Variants in RGL1 observed in about 807,000 individuals in gnomAD.
RGL1 encodes the protein ral guanine nucleotide dissociation stimulator-like 1.
A neutral mutation model predicts 95.2 loss-of-function variants in RGL1; 24 were observed. That is an observed-to-expected ratio of 0.25 (90% CI 0.18 to 0.35). The LOEUF (loss-of-function observed/expected upper bound fraction) is 0.35, where lower values mean the gene tolerates loss of function less well. Among genes scored for constraint, RGL1 ranks in the 10% least tolerant of loss-of-function variants. The pLI is 1.00. For synonymous variants in RGL1, 329 were observed against 344.9 expected (o/e 0.95, Z 0.51); for missense variants, 715 against 936.3 (o/e 0.76, Z 3.08).
At chr1:183,894,055 T>C (rs1346996045) in intron 9 of RGL1, among the ~76,000 whole-genome samples, 1 of 152,228 alleles carries the variant, frequency 6.6e-6, no homozygotes, top group African/African-American at 2.4e-5. Context: ...TAAACAATCA[T>C]TACTGAGATC....
chr1:183,639,590 T>G (rs1457587940), intron 1 of RGL1, among the ~76,000 whole-genome samples: 1 of 152,074 alleles, frequency 6.6e-6, no homozygotes, highest in Non-Finnish European at 1.5e-5. Flanking sequence ...CAGAATTTCA[T>G]TTTTTCTTTG....
At chr1:183,801,674 A>G (rs1661000449), upstream of RGL1, among the ~76,000 whole-genome samples, 2 of 152,200 alleles carry the variant, frequency 1.3e-5, no homozygotes, top group African/African-American at 2.4e-5. Context: ...AAAGAAGTTT[A>G]TTTGGCTCAT....
At chr1:183,678,909 C>CA (rs1653013434) in intron 1 of RGL1, among the ~76,000 whole-genome samples, 1 of 152,128 alleles carries the variant, frequency 6.6e-6, no homozygotes, top group African/African-American at 2.4e-5. Context: ...TTTACAAGCC[C>CA]AAAATAGTTA....
intron 8 of RGL1, among the ~76,000 whole-genome samples, chr1:183,891,048 A>G (rs748636248): frequency 2.6e-5 from 4 of 152,322 alleles, no homozygotes; most frequent in Admixed American, 2.0e-4. Flanking sequence ...TGTCGCTTTA[A>G]GTAGACAAAG....
At chr1:183,818,228 T>G (rs2500124) in intron 2 of RGL1, among the ~76,000 whole-genome samples, 132,061 of 152,060 alleles carry the variant, frequency 0.87, 58,583 homozygotes, top group Non-Finnish European at 0.97. Context: ...GGCAAAAGAG[T>G]TTTAAAAGGT....
chr1:183,919,151 C>A lies in RGL1; in HGVS notation c.2004+2450C>A, dbSNP rs537329078. On this transcript the variant is annotated intron_variant, in intron 16 of 17. Transcript: ENST00000360851. ...ATTCATTTAAAATAACAATAATGAA[C>A]ACATTGCATGTTAATGTAAATTTTA... is the stretch of plus-strand genomic sequence containing the variant. Among the ~76,000 whole-genome samples the A allele has an allele frequency of 6.3e-4, 96 of 152,264 alleles. 1 individual carries two copies. Among genetic ancestry groups the A allele is most frequent in the African/African-American group, 2.3e-3 (94 of 41,534 alleles).
rs1245298411 is a variant in RGL1, at chr1:183,912,123, C to T, written c.1604C>T (p.Thr535Ile). ...GACATGATCACCAGTCCCACTCCCA[C>T]CAAAGAGCAGCCCAAGTCCACTGCC... The part of the protein sequence containing the change: ...GSDMITSPTP[T>I]KEQPKSTASG... Residue 535 changes from threonine to isoleucine, a missense_variant, in exon 15 of 18, where the codon ACC becomes ATC. Coordinates refer to ENST00000360851, the MANE Select transcript of RGL1 (RefSeq NM_001297671.3). 3 of 1,613,980 alleles carry T rather than the reference C, an allele frequency of 1.9e-6. No individual in the cohort carries two copies. The highest frequency in any genetic ancestry group is 2.5e-6 in the Non-Finnish European group (3 of 1,180,002).
upstream of RGL1, among the ~76,000 whole-genome samples, chr1:183,803,648 C>T (rs1661111987): frequency 6.6e-6 from 1 of 152,158 alleles, no homozygotes; most frequent in Admixed American, 6.5e-5. Context: ...GGAAATATTT[C>T]AGTTACTGCC....
intron 1 of RGL1, among the ~76,000 whole-genome samples, chr1:183,644,297 C>T (rs528566217): frequency 9.9e-5 from 15 of 152,078 alleles, no homozygotes; most frequent in Non-Finnish European, 2.1e-4. Context: ...GCCACAATTT[C>T]CTTATATGTA....
At chr1:183,722,046 A>G (rs77315481) in intron 1 of RGL1, among the ~76,000 whole-genome samples, 1,879 of 152,284 alleles carry the variant, frequency 0.012, 48 homozygotes, top group African/African-American at 0.043. Flanking sequence ...GTGAGGAAAG[A>G]AAGTCAAGAC....
chr1:183,741,409 A>G (rs1425679296), intron 1 of RGL1, among the ~76,000 whole-genome samples: 1 of 152,128 alleles, frequency 6.6e-6, no homozygotes, highest in Non-Finnish European at 1.5e-5. Flanking sequence ...AAAGAAGTAG[A>G]CCTTGTAAAA....
chr1:183,904,992 T>C (rs1186566321), intron 13 of RGL1, 21 bp downstream of exon 13: 15 of 1,607,266 alleles, frequency 9.3e-6, no homozygotes, highest in African/African-American at 4.0e-5. Context: ...CTGTCGTTCA[T>C]CGGGGTAGAA....
At chr1:183,856,707 A>G (rs1271489651) in intron 3 of RGL1, among the ~76,000 whole-genome samples, 1 of 151,500 alleles carries the variant, frequency 6.6e-6, no homozygotes, top group Non-Finnish European at 1.5e-5. Context: ...TTGGACTTAG[A>G]TCTTATTTCC....
intron 2 of RGL1, among the ~76,000 whole-genome samples, chr1:183,833,906 C>T (rs2500112): frequency 0.8 from 120,655 of 150,974 alleles, 48,363 homozygotes; most frequent in Middle Eastern, 0.88. Context: ...AGAGTTGCTC[C>T]CCCTATATTT....
chr1:183,815,143 A>G (rs1307585381), intron 2 of RGL1, among the ~76,000 whole-genome samples: 3 of 152,136 alleles, frequency 2.0e-5, no homozygotes, highest in Non-Finnish European at 2.9e-5. Flanking sequence ...GCATGGTGGC[A>G]TGTGCCTGTA....
At chr1:183,866,593 C>T (rs1009770711) in intron 4 of RGL1, among the ~76,000 whole-genome samples, 4 of 152,088 alleles carry the variant, frequency 2.6e-5, no homozygotes, top group African/African-American at 2.4e-5. Flanking sequence ...TGCATGTGGC[C>T]GGAGCGCGTG....
rs535015809 is a variant in RGL1, at chr1:183,732,959, T to C, written c.-32-9167T>C. On this transcript the variant is annotated intron_variant, in intron 1 of 18. Transcript: ENST00000304685. ...AGGCTTCATTTAGGCTTAAAACCTT[T>C]TGGTTCACTCTAAAATAATGCGAGG... 3.9e-5 allele frequency among the ~76,000 whole-genome samples: 6 copies of C among 152,294 alleles called. No individual in the cohort carries two copies. In the South Asian group the frequency reaches 1.2e-3, roughly 32 times the overall value.
At chr1:183,682,154 G>C (rs1653262339) in intron 1 of RGL1, among the ~76,000 whole-genome samples, 1 of 152,090 alleles carries the variant, frequency 6.6e-6, no homozygotes, top group Middle Eastern at 3.4e-3. Flanking sequence ...AGGGTTTTTT[G>C]TGTCTCTATC....
chr1:183,744,633 T>C (rs546787195), intron 2 of RGL1, among the ~76,000 whole-genome samples: 1 of 152,338 alleles, frequency 6.6e-6, no homozygotes, highest in African/African-American at 2.4e-5. Context: ...CAATATACAG[T>C]ATTGATTTAC....
Sources: gnomAD v4.1 joint callset for allele counts (sites outside exome capture counted in the v4.1 genomes callset) on GRCh38, gnomAD v4.1.1 for gene constraint, MANE v1.5 for transcripts, NCBI Gene and HGNC (gene_info 2026-07-23, HGNC 2026-07-21) for gene names.